The following MTOR variants were observed in gnomAD, a reference collection of about 807,000 sequenced individuals.
MTOR encodes the protein serine/threonine-protein kinase mTOR.
MTOR carries 70 observed loss-of-function variants against 319.8 expected under a neutral mutation model. That is an observed-to-expected ratio of 0.22 (90% CI 0.18 to 0.27). The LOEUF (loss-of-function observed/expected upper bound fraction) is 0.27, where lower values mean the gene tolerates loss of function less well. MTOR is among the 10% of genes least tolerant of loss of function. The probability of loss-of-function intolerance (pLI) is 1.00; values close to 1 mark genes in which losing one functional copy is unlikely to be tolerated. For synonymous variants in MTOR, 1,183 were observed against 1,211.4 expected (o/e 0.98, Z 0.49); for missense variants, 1,890 against 3,274.4 (o/e 0.58, Z 10.32).
intron 28 of MTOR, among the ~76,000 whole-genome samples, chr1:11,182,745 T>A (rs547533828): frequency 6.6e-6 from 1 of 152,224 alleles, no homozygotes; most frequent in Non-Finnish European, 1.5e-5. Flanking sequence ...CTTAATTATA[T>A]AAACATTCAA....
intron 28 of MTOR, among the ~76,000 whole-genome samples, chr1:11,183,543 T>C (rs149853228): frequency 2.0e-5 from 3 of 152,332 alleles, no homozygotes; most frequent in East Asian, 3.9e-4. Flanking sequence ...AATAGAAATA[T>C]TTCTTGCCTT....
chr1:11,173,772 T>A (rs905868506), intron 28 of MTOR, among the ~76,000 whole-genome samples: 50 of 152,224 alleles, frequency 3.3e-4, no homozygotes, highest in African/African-American at 1.2e-3. Flanking sequence ...TGGAGAATAC[T>A]AATTATGGAT....
intron 49 of MTOR, among the ~76,000 whole-genome samples, chr1:11,118,228 A>ATTTTTTTTTTTTTTTT (rs771785403): frequency 1.7e-5 from 2 of 120,766 alleles, no homozygotes; most frequent in African/African-American, 8.0e-5. Flanking sequence ...AACTTAGTTA[A>ATTTTTTTTTTTTTTTT]TTTTTTTTTT....
At chr1:11,183,783 AAC>A (rs1203018933) in intron 28 of MTOR, among the ~76,000 whole-genome samples, 1 of 152,180 alleles carries the variant, frequency 6.6e-6, no homozygotes, top group Non-Finnish European at 1.5e-5. Flanking sequence ...GGTAACGATC[AAC>A]AGTCTTTTCT....
intron 29 of MTOR, 33 bp from the exon 30 acceptor site, chr1:11,157,324 T>C (rs1353962366): frequency 6.2e-7 from 1 of 1,604,624 alleles, no homozygotes; most frequent in Non-Finnish European, 8.5e-7. Context: ...TGCTGTGAGG[T>C]ACACAGAAGA....
chr1:11,159,458 ATG>A (rs1408472026), intron 29 of MTOR, among the ~76,000 whole-genome samples: 1 of 152,130 alleles, frequency 6.6e-6, no homozygotes, highest in Non-Finnish European at 1.5e-5. Context: ...CCTGATCAAC[ATG>A]GAGAAACCCT....
At chr1:11,119,408 T>C (rs1288646591) in intron 49 of MTOR, among the ~76,000 whole-genome samples, 1 of 145,570 alleles carries the variant, frequency 6.9e-6, no homozygotes, top group Admixed American at 6.8e-5. Context: ...CTATTAAAAA[T>C]ACAAAAAAAA....
chr1:11,145,257 C>T, intron 32 of MTOR: 1 of 574,390 alleles, frequency 1.7e-6, no homozygotes, highest in Non-Finnish European at 3.1e-6. Context: ...GTATGGCATC[C>T]AAAACTTTAA....
chr1:11,182,938 T>C (rs1645207010), intron 28 of MTOR, among the ~76,000 whole-genome samples: 1 of 152,204 alleles, frequency 6.6e-6, no homozygotes, highest in African/African-American at 2.4e-5. Context: ...CTTGTCCATG[T>C]CTTCTGGAGC....
chr1:11,202,893 G>A (rs938527533), intron 26 of MTOR, among the ~76,000 whole-genome samples: 2 of 147,726 alleles, frequency 1.4e-5, no homozygotes, highest in Admixed American at 7.0e-5. Flanking sequence ...GGGCAGCAGA[G>A]ACCCTGTTTC....
At chr1:11,197,007 A>G (rs988522286) in intron 28 of MTOR, among the ~76,000 whole-genome samples, 9 of 152,180 alleles carry the variant, frequency 5.9e-5, no homozygotes, top group Non-Finnish European at 1.0e-4. Flanking sequence ...TGAAGGGAAA[A>G]TAAGAGTAGG....
rs1650388337 is a variant in MTOR at position 11,256,256 on chromosome 1, G to A, written c.505-64C>T. The A allele has an allele frequency of 7.1e-6, 11 of 1,553,850 alleles. No homozygotes were observed. In the South Asian group the frequency reaches 1.3e-4, roughly 19 times the overall value. ...AGAGTTTTGTTCTCTCAGGAGTACA[G>A]TCTCTTGTCATCTTAGAGCCATACA... On this transcript the variant is annotated intron_variant, in intron 4 of 57. Transcript: ENST00000361445.
At position 11,127,801 on chromosome 1, in the gene MTOR, G is replaced by A. The variant is rs145465368; in HGVS notation, c.6039C>T (p.Ser2013=). 47 of 1,611,470 alleles carry A rather than the reference G, an allele frequency of 2.9e-5. No homozygotes were observed. The highest frequency in any genetic ancestry group is 3.6e-5 in the Non-Finnish European group (42 of 1,178,778). The change falls in exon 44 of 58, where the codon AGC becomes AGT. Residue 2013 remains serine, a synonymous_variant. Coordinates refer to ENST00000361445, the MANE Select transcript of MTOR (RefSeq NM_004958.4). This position sits in a 1 kb window ranked among gnomAD's most constrained non-coding sequence, Gnocchi z 5.5. ...GGATGGCCACTCGGATCAGCTCCTCGCTCACCTGAAGCCAAGAGAAGAAGG... is the reference window on the plus strand; with the variant it reads ...GGATGGCCACTCGGATCAGCTCCTCACTCACCTGAAGCCAAGAGAAGAAGG... ...NTLVQQAMMV[S]EELIRVAILW...
intron 28 of MTOR, chr1:11,189,936 G>C (rs764501879): frequency 2.5e-6 from 4 of 1,611,840 alleles, no homozygotes; most frequent in Non-Finnish European, 3.4e-6. Context: ...CAGCACAGAC[G>C]GTCACTCAGA....
intron 30 of MTOR, among the ~76,000 whole-genome samples, chr1:11,153,977 G>A (rs1644232353): frequency 7.2e-6 from 1 of 139,402 alleles, no homozygotes; most frequent in Non-Finnish European, 1.5e-5. Context: ...GCTGGGGCAG[G>A]AAAATCACTT....
intron 28 of MTOR, among the ~76,000 whole-genome samples, chr1:11,197,499 G>C (rs1002089724): frequency 6.6e-6 from 1 of 152,154 alleles, no homozygotes; most frequent in Non-Finnish European, 1.5e-5. Context: ...CCAAAGAGCC[G>C]AGCACACTGG....
In MTOR at chr1:11,107,286, G is replaced by C. The variant is rs1321783101; in HGVS notation, c.*199C>G. 2.7e-6 allele frequency: 4 copies of C among 1,455,244 alleles called. No individual in the cohort carries two copies. Among genetic ancestry groups the C allele is most frequent in the Non-Finnish European group, 3.6e-6 (4 of 1,102,926 alleles). 90.1% of individuals were successfully genotyped at this position (1,455,244 alleles called of 1,614,324 possible). Reference sequence around the variant, plus strand: ...TGTCCTGGGAACCAAATCAAGCCTTGTGTTTCTGACAATATATTCTTCAAC... The same window carrying C: ...TGTCCTGGGAACCAAATCAAGCCTTCTGTTTCTGACAATATATTCTTCAAC... On this transcript the variant is annotated 3_prime_UTR_variant, in exon 58 of 58. Transcript: ENST00000361445.
chr1:11,209,244 T>C (rs1646236134), intron 25 of MTOR, 68 bp downstream of exon 25: 1 of 1,597,970 alleles, frequency 6.3e-7, no homozygotes, highest in South Asian at 1.1e-5. Flanking sequence ...GTTTAAACAG[T>C]TAAAAGTTTT....
rs186253910 is a variant in MTOR at position 11,198,778 on chromosome 1, T to C, written c.4253+480A>G. Among the ~76,000 whole-genome samples, 12 of 152,242 alleles carry C rather than the reference T, an allele frequency of 7.9e-5. No homozygotes were observed. In the East Asian group the frequency reaches 2.3e-3, roughly 29 times the overall value. ...CATAACCACATCAGAGAAAAGACCATTAGATTTCAGATTATGCTCTGCCTT... is the reference window on the plus strand; with the variant it reads ...CATAACCACATCAGAGAAAAGACCACTAGATTTCAGATTATGCTCTGCCTT... On this transcript the variant is annotated intron_variant, in intron 28 of 57. Coordinates refer to ENST00000361445, the MANE Select transcript of MTOR (RefSeq NM_004958.4).
Sources: allele counts gnomAD v4.1 joint callset (sites outside exome capture counted in the v4.1 genomes callset), GRCh38; gene constraint gnomAD v4.1.1; non-coding constraint Gnocchi (gnomAD v3.1); transcripts MANE v1.5; gene names NCBI Gene and HGNC (gene_info 2026-07-23, HGNC 2026-07-21).